Variants in KMT2C observed in about 807,000 individuals in gnomAD.
The protein encoded by KMT2C is lysine methyltransferase 2C.
Under a neutral mutation model 507.9 loss-of-function variants are expected in KMT2C, and 88 were observed. The observed-to-expected ratio is 0.17, with a 90% confidence interval of 0.15 to 0.21. The LOEUF (loss-of-function observed/expected upper bound fraction) is 0.21, where lower values mean the gene tolerates loss of function less well. KMT2C is among the 10% of genes least tolerant of loss of function. The pLI is 1.00. For missense variants in KMT2C, 4,954 were observed against 5,957.8 expected (o/e 0.83, Z 5.55); for synonymous variants, 2,049 against 2,080.8 (o/e 0.98, Z 0.42).
In KMT2C at chr7:152,208,619, A is replaced by T. The variant is rs569985217; in HGVS notation, c.3713-1191T>A. ...TGCTATTTTAGAGAATGCTATTTTAACACTATGGTAATCAAACTTTTCCAA... is the reference window on the plus strand; with the variant it reads ...TGCTATTTTAGAGAATGCTATTTTATCACTATGGTAATCAAACTTTTCCAA... On this transcript the variant is annotated intron_variant, in intron 23 of 58. Transcript: ENST00000262189. Among the ~76,000 whole-genome samples the T allele has an allele frequency of 3.9e-5, 6 of 152,322 alleles. No homozygotes were observed. In the East Asian group the frequency reaches 1.2e-3, roughly 29 times the overall value.
At position 152,145,427 on chromosome 7, in the gene KMT2C, A is replaced by G. The variant is rs981522348; in HGVS notation, c.14032-132T>C. ...TTCCCCGATAATAAAATGGTCTTCT[A>G]GCTTATGTTAACACTATTGGCCTGC... On this transcript the variant is annotated intron_variant, in intron 53 of 58. Coordinates refer to ENST00000262189, the MANE Select transcript of KMT2C (RefSeq NM_170606.3). 6.8e-6 allele frequency: 6 copies of G among 879,374 alleles called. No individual in the cohort carries two copies. In the Admixed American group the frequency reaches 1.1e-4, roughly 16 times the overall value. The allele number at this position is 879,374 out of a possible 1,614,324, so 54.5% of individuals were successfully genotyped here.
intron 6 of KMT2C, among the ~76,000 whole-genome samples, chr7:152,289,879 T>C (rs1361431543): frequency 5.3e-5 from 8 of 152,034 alleles, no homozygotes; most frequent in Non-Finnish European, 1.0e-4. Context: ...AAACCCCATC[T>C]CTACTAAAAA....
intron 44 of KMT2C, among the ~76,000 whole-genome samples, chr7:152,158,189 A>T (rs376786846): frequency 1.3e-5 from 2 of 152,250 alleles, no homozygotes; most frequent in East Asian, 3.8e-4. Flanking sequence ...TGGGGCATCA[A>T]CTGAGGCTGG....
intron 2 of KMT2C, among the ~76,000 whole-genome samples, chr7:152,355,554 AAAACAAAC>A (rs575118503): frequency 2.0e-5 from 3 of 152,086 alleles, no homozygotes; most frequent in Non-Finnish European, 4.4e-5. Flanking sequence ...AAAAAACAAA[AAAACAAAC>A]AAACAAACAA....
chr7:152,389,576 G>T (rs1219838559), intron 1 of KMT2C, among the ~76,000 whole-genome samples: 1 of 151,904 alleles, frequency 6.6e-6, no homozygotes, highest in Admixed American at 6.6e-5. Context: ...CAAGTAGCTG[G>T]GACTACAGGC....
chr7:152,212,005 G>A (rs141922977), intron 23 of KMT2C, among the ~76,000 whole-genome samples: 1,929 of 152,182 alleles, frequency 0.013, 45 homozygotes, highest in African/African-American at 0.044. Context: ...CCGAGATTGC[G>A]CCACTGCACT....
chr7:152,435,931 A>T lies in KMT2C; in HGVS notation c.-145T>A. The T allele has an allele frequency of 1.2e-6, 1 of 805,920 alleles. No individual in the cohort carries two copies. Among genetic ancestry groups the T allele is most frequent in the Non-Finnish European group, 1.8e-6 (1 of 561,346 alleles). The allele number at this position is 805,920 out of a possible 1,614,324, so 49.9% of individuals were successfully genotyped here. A position where few individuals can be genotyped will look rare whatever the true frequency, so the allele number is the denominator to read the frequency against. ...TTCCCGCAGCCCCGGGAGCAGCAGC[A>T]GGTACCGGGAGAGGCGGCAACATGG... On this transcript the variant is annotated 5_prime_UTR_variant, in exon 1 of 59. Transcript: ENST00000262189.
At chr7:152,299,713 G>T (rs1319446351) in intron 6 of KMT2C, among the ~76,000 whole-genome samples, 1 of 151,552 alleles carries the variant, frequency 6.6e-6, no homozygotes, top group Non-Finnish European at 1.5e-5. Context: ...AAACATATAA[G>T]AAGACAATCA....
rs749291046 is a variant in KMT2C at position 152,250,906 on chromosome 7, G to A, written c.1682C>T (p.Ala561Val). Residue 561 changes from alanine to valine, a missense_variant, in exon 12 of 59, where the codon GCA (alanine) becomes GTA (valine). Ala to Val is a moderately conservative substitution (Grantham distance 64). Around this residue, in one of 29 missense-constraint regions of KMT2C, gnomAD observed 376 missense variants for 352.4 expected, o/e 1.07. Transcript: ENST00000262189. ...CTGACCGTTGACATCTTTATTAGCT[G>A]CCTGCTCTGAGAATACCATTTGATC... is the stretch of plus-strand genomic sequence containing the variant. Reference protein sequence around the residue: ...PEDQMVFSEQAANKDVNGQES... With the variant: ...PEDQMVFSEQVANKDVNGQES... The A allele has an allele frequency of 1.9e-6, 3 of 1,611,366 alleles. No individual in the cohort carries two copies. Among genetic ancestry groups the A allele is most frequent in the Non-Finnish European group, 2.5e-6 (3 of 1,177,654 alleles).
rs1182377752 is a variant in KMT2C at position 152,185,619 on chromosome 7, C to G, written c.5021G>C (p.Arg1674Thr). 6.2e-7 allele frequency: 1 copy of G among 1,612,322 alleles called. No individual in the cohort carries two copies. Among genetic ancestry groups the G allele is most frequent in the Non-Finnish European group, 8.5e-7 (1 of 1,179,034 alleles). ...CCACAATTTGGCAATTTGCTTCACT[C>G]TAGTAGTCCAATCTGCAACAAAAGA... is the stretch of plus-strand genomic sequence containing the variant. ...LKEEFPDWTT[R>T]VKQIAKLWRK... is the part of the protein sequence containing the mutation. Residue 1674 changes from arginine to threonine, a missense_variant, in exon 34 of 59, where the codon AGA becomes ACA. Physicochemically the swap from Arg to Thr is moderately conservative, Grantham distance 71 (BLOSUM62 -1). Transcript: ENST00000262189.
chr7:152,278,950 T>C (rs2096145510), intron 6 of KMT2C, among the ~76,000 whole-genome samples: 1 of 152,300 alleles, frequency 6.6e-6, no homozygotes. Context: ...TCGGGTTTGA[T>C]TCAAACAGAC....
At chr7:152,251,289 T>A (rs1221841705) in intron 11 of KMT2C, among the ~76,000 whole-genome samples, 6 of 151,334 alleles carry the variant, frequency 4.0e-5, no homozygotes, top group African/African-American at 1.5e-4. Context: ...TCTAAAACAA[T>A]TTTTTTTAAA....
intron 3 of KMT2C, among the ~76,000 whole-genome samples, chr7:152,316,216 T>C (rs988595539): frequency 2.6e-5 from 4 of 152,130 alleles, no homozygotes; most frequent in African/African-American, 9.7e-5. Context: ...GAAACCATTT[T>C]ATATGATACT....
At chr7:152,187,897 G>A in intron 31 of KMT2C, 50 bp from the exon 32 acceptor site, 1 of 1,593,526 alleles carries the variant, frequency 6.3e-7, no homozygotes, top group Non-Finnish European at 8.6e-7. Flanking sequence ...AAGTAACAAG[G>A]AGTTGAAGTA....
chr7:152,348,371 TG>T (rs2097079475), intron 2 of KMT2C, among the ~76,000 whole-genome samples: 1 of 151,240 alleles, frequency 6.6e-6, no homozygotes, highest in South Asian at 2.1e-4. Context: ...CCGAGGCAGG[TG>T]GATCACCTGA....
At chr7:152,145,080 C>A (rs2090968729) in intron 54 of KMT2C, 73 bp downstream of exon 54, 1 of 1,545,324 alleles carries the variant, frequency 6.5e-7, no homozygotes, top group Non-Finnish European at 8.8e-7. Context: ...AAGCAGCAGA[C>A]AAATCAAGCA....
chr7:152,312,018 G>A (rs2129200704), intron 4 of KMT2C, 72 bp from the exon 5 acceptor site: 1 of 1,166,276 alleles, frequency 8.6e-7, no homozygotes, highest in Non-Finnish European at 1.2e-6. Flanking sequence ...CTGTTTAAAT[G>A]CAATGTACTG....
Position 152,181,680 on chromosome 7 carries a change from C to G in KMT2C, c.6180G>C (p.Val2060=), listed in dbSNP as rs371827890. 6 of 1,614,102 alleles carry G rather than the reference C, an allele frequency of 3.7e-6. No individual in the cohort carries two copies. The highest frequency in any genetic ancestry group is 5.1e-6 in the Non-Finnish European group (6 of 1,180,018). The change falls in exon 36 of 59, where the codon GTG becomes GTC. Residue 2060 remains valine (V), a synonymous_variant. Transcript: ENST00000262189. ...PPSSQDPYGS[V]SQASRRLSVD... Reference sequence around the variant, plus strand: ...CAGACAATCGCCTTGATGCCTGTGACACTGATCCATAAGGATCCTGAGAGG... The same window carrying G: ...CAGACAATCGCCTTGATGCCTGTGAGACTGATCCATAAGGATCCTGAGAGG...
At chr7:152,222,227 G>T (rs778835787) in intron 21 of KMT2C, among the ~76,000 whole-genome samples, 161 bp from the exon 22 acceptor site, 1 of 152,092 alleles carries the variant, frequency 6.6e-6, no homozygotes, top group South Asian at 2.1e-4. Context: ...AACAAAACAA[G>T]AAGTGATGAA....
Sources: allele counts gnomAD v4.1 joint callset (sites outside exome capture counted in the v4.1 genomes callset), GRCh38; gene constraint gnomAD v4.1.1; regional missense constraint gnomAD v4.1.1; transcripts MANE v1.5; gene names NCBI Gene and HGNC (gene_info 2026-07-23, HGNC 2026-07-21).